The following TMCO4 variants were observed in gnomAD, a reference collection of about 807,000 sequenced individuals.
TMCO4 encodes transmembrane and coiled-coil domain-containing protein 4.
In TMCO4, 58 loss-of-function variants were observed where a neutral mutation model predicts 64.7. The observed-to-expected ratio is 0.90, with a 90% CI of 0.73 to 1.12. TMCO4 has a LOEUF of 1.12. Ranked by LOEUF, TMCO4 falls within the 50% of genes most tolerant of loss-of-function variation. The pLI, the probability that TMCO4 is intolerant of heterozygous loss-of-function variation, is 0.00. For missense variants in TMCO4, 780 were observed against 825.9 expected, an observed-to-expected ratio of 0.94 and a Z score of 0.68; for synonymous variants, 325 against 346.1, an observed-to-expected ratio of 0.94 and a Z score of 0.68.
At chr1:19,760,311 G>A (rs1386614562) in intron 6 of TMCO4, among the ~76,000 whole-genome samples, 1 of 152,100 alleles carries the variant, frequency 6.6e-6, no homozygotes, top group African/African-American at 2.4e-5. Flanking sequence ...GCTTGACTAT[G>A]CCTGGAACAC....
chr1:19,742,527 C>T (rs2095484237), intron 10 of TMCO4, among the ~76,000 whole-genome samples: 1 of 152,168 alleles, frequency 6.6e-6, no homozygotes, highest in African/African-American at 2.4e-5. Flanking sequence ...TGGGGGGACC[C>T]TGTCTCAGCT....
chr1:19,740,160 C>T (rs185695412), intron 11 of TMCO4, among the ~76,000 whole-genome samples, 200 bp from the exon 12 acceptor site: 3 of 152,316 alleles, frequency 2.0e-5, no homozygotes. Context: ...TCTGCTCAAG[C>T]CCTTGTCACG....
In TMCO4 at chr1:19,734,379, G is replaced by GGT. The variant is rs1053869123; in HGVS notation, c.1264+2991_1264+2992dup. ...GCAGATGCGTGTATGAATGTGTGCA[G>GGT]GTGTGTGTGTGAGTGTGCATATGTG... On this transcript the variant is annotated intron_variant, in intron 13 of 15. Transcript: ENST00000294543. This position sits in a 1 kb window ranked among gnomAD's most constrained non-coding sequence, Gnocchi z 4.4. Among the ~76,000 whole-genome samples the GGT allele has an allele frequency of 7.2e-5, 11 of 152,220 alleles. No homozygotes were observed. The highest frequency in any genetic ancestry group is 2.4e-4 in the African/African-American group (10 of 41,536).
In TMCO4 at chr1:19,700,868, C is replaced by G; in HGVS notation, c.1282G>C (p.Glu428Gln). 1 of 1,614,196 alleles carries G rather than the reference C, an allele frequency of 6.2e-7. No individual in the cohort carries two copies. Among genetic ancestry groups the G allele is most frequent in the East Asian group, 2.2e-5 (1 of 44,872 alleles). The part of the protein sequence containing the change: ...AQEKDCQGII[E>Q]DVILLGAPVE... The stretch of plus-strand genomic sequence containing the variant: ...GGCGCACCCAGCAGGATGACGTCCT[C>G]GATGATTCCTTGGCAATCTGGCAAA... The change falls in exon 14 of 16, where the codon GAG (glutamate) becomes CAG (glutamine). Residue 428 changes from glutamate to glutamine, a missense_variant. Physicochemically the swap from Glu to Gln is conservative, Grantham distance 29. Transcript: ENST00000294543.
rs750396399 is a variant in TMCO4, at chr1:19,746,488, G to A, written c.725C>T (p.Ser242Leu). 2.5e-5 allele frequency: 41 copies of A among 1,613,016 alleles called. No homozygotes were observed. Among genetic ancestry groups the A allele is most frequent in the Admixed American group, 5.0e-5 (3 of 59,850 alleles). Residue 242 changes from serine to leucine, a missense_variant, in exon 9 of 16, where the codon TCG becomes TTG. By Grantham distance (145) the Ser-to-Leu change is moderately radical. Transcript: ENST00000294543. Reference protein sequence around the residue: ...GSAAGIAIMTSLFGAAGAGLT... With the variant: ...GSAAGIAIMTLLFGAAGAGLT... Reference sequence around the variant, plus strand: ...GCCAGCTCCAGCTGCACCAAACAGCGAGGTCATGATGGCTATGCCGGCTGC... The same window carrying A: ...GCCAGCTCCAGCTGCACCAAACAGCAAGGTCATGATGGCTATGCCGGCTGC...
chr1:19,762,754 G>A (rs1159924155), intron 6 of TMCO4, among the ~76,000 whole-genome samples: 1 of 152,186 alleles, frequency 6.6e-6, no homozygotes, highest in African/African-American at 2.4e-5. Flanking sequence ...GCCTCCTGTT[G>A]TAAGGCACTG....
intron 2 of TMCO4, among the ~76,000 whole-genome samples, chr1:19,796,039 C>T (rs2044291610): frequency 2.0e-5 from 3 of 152,230 alleles, no homozygotes; most frequent in Non-Finnish European, 4.4e-5. Flanking sequence ...CGTCTGGGTC[C>T]CCCTGTCCAA....
chr1:19,721,963 C>T (rs191042312), intron 13 of TMCO4, among the ~76,000 whole-genome samples: 20 of 152,316 alleles, frequency 1.3e-4, no homozygotes, highest in African/African-American at 4.6e-4. Context: ...CATTCAAACA[C>T]CAATAGCCTT....
At chr1:19,746,299 G>A (rs1017635119) in intron 9 of TMCO4, among the ~76,000 whole-genome samples, 157 bp downstream of exon 9, 9 of 152,186 alleles carry the variant, frequency 5.9e-5, no homozygotes, top group African/African-American at 9.7e-5. Context: ...CCTGACCCAC[G>A]CGAGCTCTGG....
intron 4 of TMCO4, among the ~76,000 whole-genome samples, chr1:19,772,757 G>C (rs1210244432): frequency 6.6e-6 from 1 of 152,164 alleles, no homozygotes; most frequent in Non-Finnish European, 1.5e-5. Flanking sequence ...CTGCACTCAG[G>C]CCTCTCAGAA....
chr1:19,753,561 A>G (rs1441751270), intron 7 of TMCO4, among the ~76,000 whole-genome samples: 1 of 152,218 alleles, frequency 6.6e-6, no homozygotes, highest in African/African-American at 2.4e-5. Flanking sequence ...TGGTCGGCCC[A>G]GTGATGAACT....
intron 3 of TMCO4, among the ~76,000 whole-genome samples, 196 bp from the exon 4 acceptor site, chr1:19,780,962 A>C (rs1571015502): frequency 6.6e-6 from 1 of 152,162 alleles, no homozygotes; most frequent in Non-Finnish European, 1.5e-5. Flanking sequence ...CAATATGTCT[A>C]TCCACAAAGG....
intron 14 of TMCO4, among the ~76,000 whole-genome samples, chr1:19,697,630 G>A (rs1176591673): frequency 3.3e-5 from 5 of 149,718 alleles, no homozygotes; most frequent in Admixed American, 6.7e-5. Context: ...ACATAGTCTC[G>A]CTCTGTTGCT....
chr1:19,683,523 G>A (rs1020349330), intron 15 of TMCO4, 79 bp from the exon 16 acceptor site: 2 of 1,528,178 alleles, frequency 1.3e-6, no homozygotes, highest in Non-Finnish European at 1.8e-6. Context: ...CAAACTTCTG[G>A]GCCTCAGCCT....
intron 13 of TMCO4, among the ~76,000 whole-genome samples, chr1:19,715,051 G>C (rs2095349096): frequency 6.6e-6 from 1 of 152,104 alleles, no homozygotes; most frequent in African/African-American, 2.4e-5. Context: ...AGACCAGCCT[G>C]GGCAATGTAG....
chr1:19,758,643 T>C lies in TMCO4; in HGVS notation c.383-2877A>G, dbSNP rs534535363. Among the ~76,000 whole-genome samples, 390 of 152,242 alleles carry C rather than the reference T, an allele frequency of 2.6e-3. 1 individual carries two copies. Among genetic ancestry groups the C allele is most frequent in the Non-Finnish European group, 3.7e-3 (252 of 68,024 alleles). ...GAGCCAGGGTTCGTAGTTTAAGGCA[T>C]GTTCCTTCTGGAAGCTCTAGGAGCA... On this transcript the variant is annotated intron_variant, in intron 6 of 15. Transcript: ENST00000294543.
intron 13 of TMCO4, among the ~76,000 whole-genome samples, chr1:19,727,503 C>T (rs761532544): frequency 6.6e-6 from 1 of 152,222 alleles, no homozygotes; most frequent in Admixed American, 6.5e-5. Context: ...AAAGCCTAGT[C>T]TAGTGCTTAG....
chr1:19,716,845 G>A (rs368233912), intron 13 of TMCO4, among the ~76,000 whole-genome samples: 10 of 152,152 alleles, frequency 6.6e-5, no homozygotes, highest in Non-Finnish European at 1.3e-4. Flanking sequence ...CTGTCCCTGG[G>A]CATCCATGCT....
chr1:19,770,757 G>C (rs1021657163), intron 5 of TMCO4, among the ~76,000 whole-genome samples, 188 bp from the exon 6 acceptor site: 2 of 152,210 alleles, frequency 1.3e-5, no homozygotes, highest in African/African-American at 4.8e-5. Flanking sequence ...TTCAGGTAGT[G>C]AGATAAGGAG....
Sources: gnomAD v4.1 joint callset for allele counts (sites outside exome capture counted in the v4.1 genomes callset) on GRCh38, gnomAD v4.1.1 for gene constraint, Gnocchi (gnomAD v3.1) non-coding constraint, MANE v1.5 for transcripts, NCBI Gene and HGNC (gene_info 2026-07-23, HGNC 2026-07-21) for gene names.